TTC9: variants seen among roughly 807,000 people sequenced by gnomAD.
The protein encoded by TTC9 is tetratricopeptide repeat domain 9.
Under a neutral mutation model 22.9 loss-of-function variants are expected in TTC9, and 13 were observed. The ratio of observed to expected loss-of-function variants is 0.57; its 90% CI spans 0.37 to 0.90. The LOEUF (loss-of-function observed/expected upper bound fraction) is 0.90, where lower values mean the gene tolerates loss of function less well. Ranked by LOEUF, TTC9 falls within the 40% of genes least tolerant of loss-of-function variation. TTC9 has a pLI of 0.01. For synonymous variants in TTC9, 148 were observed against 133.2 expected, an observed-to-expected ratio of 1.11 and a Z score of -0.77; for missense variants, 280 against 291.8, an observed-to-expected ratio of 0.96 and a Z score of 0.29.
At position 70,674,554 on chromosome 14, in the gene TTC9, T is replaced by C. The variant is rs1886342002; in HGVS notation, c.*3399T>C. 6.6e-6 allele frequency: 1 copy of C among 152,242 alleles called. No individual in the cohort carries two copies. Among genetic ancestry groups the C allele is most frequent in the Admixed American group, 6.5e-5 (1 of 15,294 alleles). 9.4% of individuals were successfully genotyped at this position (152,242 alleles called of 1,614,324 possible). On this transcript the variant is annotated 3_prime_UTR_variant, in exon 3 of 3. Transcript: ENST00000256367. Reference sequence around the variant, plus strand: ...ACAAAATTCAAAAAGTACAAACTGCTCTGTAGTCAGAAGTAAATCTTCTCC... The same window carrying C: ...ACAAAATTCAAAAAGTACAAACTGCCCTGTAGTCAGAAGTAAATCTTCTCC...
At chr14:70,652,952 A>C (rs933288249) in intron 1 of TTC9, among the ~76,000 whole-genome samples, 5 of 152,226 alleles carry the variant, frequency 3.3e-5, no homozygotes, top group Non-Finnish European at 5.9e-5. Context: ...AGAAAACCTG[A>C]GGGGTAATGT....
intron 1 of TTC9, among the ~76,000 whole-genome samples, chr14:70,655,626 G>C (rs1402856705): frequency 6.6e-6 from 1 of 152,080 alleles, no homozygotes; most frequent in Non-Finnish European, 1.5e-5. Flanking sequence ...GCCACTGCAG[G>C]GACCTCCTGT....
chr14:70,668,048 C>T (rs1458441876), intron 2 of TTC9, among the ~76,000 whole-genome samples: 2 of 152,140 alleles, frequency 1.3e-5, no homozygotes, highest in African/African-American at 4.8e-5. Context: ...TGAATTCATA[C>T]TATGTGCCAA....
chr14:70,661,550 A>G (rs1886145027), intron 1 of TTC9, among the ~76,000 whole-genome samples: 1 of 152,204 alleles, frequency 6.6e-6, no homozygotes, highest in African/African-American at 2.4e-5. Context: ...GATTGCATGA[A>G]CTTGTTCTTC....
chr14:70,652,568 G>A (rs1352995901), intron 1 of TTC9, among the ~76,000 whole-genome samples: 1 of 151,650 alleles, frequency 6.6e-6, no homozygotes, highest in Non-Finnish European at 1.5e-5. Context: ...AGTACTGGTA[G>A]CAGTGAAAAC....
At position 70,660,234 on chromosome 14, in the gene TTC9, C is replaced by T. The variant is rs572337404; in HGVS notation, c.407-7330C>T. ...GTATCCAAATGTCACAAGTTGACAG[C>T]GTAACAGAGAACAATTATTTGCACA... On this transcript the variant is annotated intron_variant, in intron 1 of 2. Coordinates refer to ENST00000256367, the MANE Select transcript of TTC9 (RefSeq NM_015351.2). Among the ~76,000 whole-genome samples, 7 of 152,326 alleles carry T rather than the reference C, an allele frequency of 4.6e-5. 1 individual carries two copies. The South Asian group carries it at 8.3e-4, about 18-fold the overall frequency.
chr14:70,659,267 C>T (rs535690968), intron 1 of TTC9, among the ~76,000 whole-genome samples: 4 of 151,952 alleles, frequency 2.6e-5, no homozygotes, highest in Admixed American at 6.6e-5. Flanking sequence ...AAGATATTAG[C>T]GCTAAGGGAA....
chr14:70,666,920 G>A (rs575997164), intron 1 of TTC9, among the ~76,000 whole-genome samples: 194 of 152,292 alleles, frequency 1.3e-3, no homozygotes, highest in Non-Finnish European at 2.1e-3. Context: ...TCCTAAGGCT[G>A]CCTACAACAA....
chr14:70,668,667 A>G (rs900329153), intron 2 of TTC9, among the ~76,000 whole-genome samples: 9 of 151,636 alleles, frequency 5.9e-5, no homozygotes, highest in African/African-American at 2.2e-4. Context: ...TCTGAGCAAC[A>G]TGGTGAAACC....
intron 1 of TTC9, among the ~76,000 whole-genome samples, chr14:70,661,146 C>T (rs1886140121): frequency 6.6e-6 from 1 of 152,184 alleles, no homozygotes; most frequent in Non-Finnish European, 1.5e-5. Context: ...CAGGCACTCA[C>T]TGGCTTTGTA....
In TTC9 at chr14:70,673,452, A is replaced by G. The variant is rs1385603277; in HGVS notation, c.*2297A>G. On this transcript the variant is annotated 3_prime_UTR_variant, in exon 3 of 3. Coordinates refer to ENST00000256367, the MANE Select transcript of TTC9 (RefSeq NM_015351.2). ...AAAGGAAGAAGCTATTTCAGCTGCC[A>G]CATTCTCCCCAATCCCTACTATATT... 1 of 152,252 alleles carries G rather than the reference A, an allele frequency of 6.6e-6. No individual in the cohort carries two copies. Among genetic ancestry groups the G allele is most frequent in the Non-Finnish European group, 1.5e-5 (1 of 68,082 alleles). The allele number at this position is 152,252 out of a possible 1,614,324, so 9.4% of individuals were successfully genotyped here. A position where few individuals can be genotyped will look rare whatever the true frequency, so the allele number is the denominator to read the frequency against.
At chr14:70,662,998 C>T (rs1886165661) in intron 1 of TTC9, among the ~76,000 whole-genome samples, 1 of 152,212 alleles carries the variant, frequency 6.6e-6, no homozygotes, top group African/African-American at 2.4e-5. Flanking sequence ...CCTCTGCCTC[C>T]TGGATGCCAC....
chr14:70,657,385 G>C (rs1886081756), intron 1 of TTC9, among the ~76,000 whole-genome samples: 1 of 152,188 alleles, frequency 6.6e-6, no homozygotes, highest in South Asian at 2.1e-4. Context: ...GAATCAGAGG[G>C]ATTCAAGGGA....
intron 1 of TTC9, among the ~76,000 whole-genome samples, chr14:70,663,238 T>C (rs547217856): frequency 2.3e-4 from 35 of 152,306 alleles, no homozygotes; most frequent in African/African-American, 7.9e-4. Context: ...CTTTCTGAAA[T>C]AGGCCATTCC....
chr14:70,643,314 A>G (rs1885855756), intron 1 of TTC9, among the ~76,000 whole-genome samples: 1 of 152,210 alleles, frequency 6.6e-6, no homozygotes, highest in Admixed American at 6.5e-5. Flanking sequence ...TGTACATTCC[A>G]ACATTCCCTT....
chr14:70,646,494 A>G (rs1475164869), intron 1 of TTC9, among the ~76,000 whole-genome samples: 1 of 152,222 alleles, frequency 6.6e-6, no homozygotes, highest in East Asian at 1.9e-4. Flanking sequence ...CCCTAGCAGA[A>G]GTGTGATCAA....
At chr14:70,668,116 G>A (rs74564026) in intron 2 of TTC9, among the ~76,000 whole-genome samples, 19 of 152,284 alleles carry the variant, frequency 1.2e-4, no homozygotes, top group South Asian at 6.2e-4. Flanking sequence ...CCCATGAGGC[G>A]CTCACATCTG....
At chr14:70,661,703 G>T (rs1886146776) in intron 1 of TTC9, among the ~76,000 whole-genome samples, 2 of 152,148 alleles carry the variant, frequency 1.3e-5, no homozygotes, top group Non-Finnish European at 2.9e-5. Context: ...TTGCTGGGGG[G>T]AACATCACAC....
intron 1 of TTC9, among the ~76,000 whole-genome samples, chr14:70,663,738 G>A (rs914247085): frequency 6.6e-6 from 1 of 152,184 alleles, no homozygotes; most frequent in Non-Finnish European, 1.5e-5. Context: ...CTCATCAGCT[G>A]ATCCCACTGC....
Sources: allele counts gnomAD v4.1 joint callset (sites outside exome capture counted in the v4.1 genomes callset), GRCh38; gene constraint gnomAD v4.1.1; transcripts MANE v1.5; gene names NCBI Gene and HGNC (gene_info 2026-07-23, HGNC 2026-07-21).